Variants in BRINP2 observed in about 807,000 individuals in gnomAD.
BRINP2 encodes the protein BMP/retinoic acid-inducible neural-specific protein 2.
In BRINP2, 21 loss-of-function variants were observed where a neutral mutation model predicts 69.2. That is an observed-to-expected ratio of 0.30 (90% CI 0.22 to 0.44). BRINP2 has a LOEUF of 0.44. Among genes scored for constraint, BRINP2 ranks in the 20% least tolerant of loss-of-function variants. The probability of loss-of-function intolerance (pLI) is 1.00; values close to 1 mark genes in which losing one functional copy is unlikely to be tolerated. For synonymous variants in BRINP2, 380 were observed against 394.1 expected, an observed-to-expected ratio of 0.96 and a Z score of 0.42; for missense variants, 877 against 986.0, an observed-to-expected ratio of 0.89 and a Z score of 1.48.
At chr1:177,271,973 C>A (rs908825928) in intron 4 of BRINP2, among the ~76,000 whole-genome samples, 3 of 152,152 alleles carry the variant, frequency 2.0e-5, no homozygotes, top group South Asian at 2.1e-4. Flanking sequence ...ATTTTTTAAA[C>A]CTAGGTCTAC....
intron 1 of BRINP2, among the ~76,000 whole-genome samples, chr1:177,177,606 A>G (rs1474302366): frequency 6.6e-6 from 1 of 151,976 alleles, no homozygotes; most frequent in Admixed American, 6.5e-5. Context: ...TGTATTTTCT[A>G]ATCCTTCTCT....
At chr1:177,183,737 CCAT>C (rs1398062311) in intron 1 of BRINP2, among the ~76,000 whole-genome samples, 2 of 152,126 alleles carry the variant, frequency 1.3e-5, no homozygotes, top group African/African-American at 4.8e-5. Flanking sequence ...ACGTGGTGAA[CCAT>C]CATATTAAAC....
intron 2 of BRINP2, among the ~76,000 whole-genome samples, chr1:177,231,381 T>G (rs1416368623): frequency 6.6e-6 from 1 of 152,214 alleles, no homozygotes; most frequent in Non-Finnish European, 1.5e-5. Context: ...GAGTTCTTTT[T>G]TAACATCTGC....
At chr1:177,180,587 T>C (rs918603453) in intron 1 of BRINP2, among the ~76,000 whole-genome samples, 1 of 152,148 alleles carries the variant, frequency 6.6e-6, no homozygotes, top group Non-Finnish European at 1.5e-5. Flanking sequence ...AGTGGAAGAC[T>C]TTCATCAATA....
At chr1:177,186,540 A>C (rs1035265278) in intron 1 of BRINP2, among the ~76,000 whole-genome samples, 1 of 152,016 alleles carries the variant, frequency 6.6e-6, no homozygotes, top group Non-Finnish European at 1.5e-5. Flanking sequence ...TGAGGGTGAG[A>C]TCGCTCCTTG....
At chr1:177,214,796 T>C (rs1407377297) in intron 1 of BRINP2, among the ~76,000 whole-genome samples, 1 of 152,226 alleles carries the variant, frequency 6.6e-6, no homozygotes, top group East Asian at 1.9e-4. Flanking sequence ...AAAATATAGC[T>C]GTATATATTT....
At chr1:177,260,783 G>T (rs1650921430) in intron 4 of BRINP2, among the ~76,000 whole-genome samples, 1 of 152,128 alleles carries the variant, frequency 6.6e-6, no homozygotes, top group African/African-American at 2.4e-5. Flanking sequence ...TAATGCTATT[G>T]AACACTTAAT....
chr1:177,189,595 G>T (rs1648529492), intron 1 of BRINP2, among the ~76,000 whole-genome samples: 1 of 152,156 alleles, frequency 6.6e-6, no homozygotes, highest in Non-Finnish European at 1.5e-5. Flanking sequence ...GACTTACCCT[G>T]TCTGGAGGTA....
At chr1:177,271,140 AT>A (rs1651313432) in intron 4 of BRINP2, among the ~76,000 whole-genome samples, 1 of 152,246 alleles carries the variant, frequency 6.6e-6, no homozygotes, top group Non-Finnish European at 1.5e-5. Flanking sequence ...CTCCTTGAAT[AT>A]TTGTTAAATG....
At chr1:177,190,495 C>T (rs1361058502) in intron 1 of BRINP2, among the ~76,000 whole-genome samples, 1 of 152,180 alleles carries the variant, frequency 6.6e-6, no homozygotes, top group African/African-American at 2.4e-5. Context: ...TCCTTCTTCC[C>T]TTCTCCAAAA....
intron 1 of BRINP2, among the ~76,000 whole-genome samples, chr1:177,177,463 A>T (rs1648121096): frequency 6.6e-6 from 1 of 152,178 alleles, no homozygotes; most frequent in Non-Finnish European, 1.5e-5. Context: ...ACTTGAACTC[A>T]TATTTGCTTA....
chr1:177,185,496 A>G (rs1283749775), intron 1 of BRINP2, among the ~76,000 whole-genome samples: 1 of 152,252 alleles, frequency 6.6e-6, no homozygotes, highest in Non-Finnish European at 1.5e-5. Context: ...AACAAAGTGC[A>G]TGCGGAGTTA....
chr1:177,266,146 A>G (rs1405458726), intron 4 of BRINP2, among the ~76,000 whole-genome samples: 1 of 151,586 alleles, frequency 6.6e-6, no homozygotes, highest in African/African-American at 2.4e-5. Flanking sequence ...TAATAATAAT[A>G]TTAACCATAG....
chr1:177,197,383 A>G (rs959455703), intron 1 of BRINP2, among the ~76,000 whole-genome samples: 1 of 152,166 alleles, frequency 6.6e-6, no homozygotes, highest in African/African-American at 2.4e-5. Flanking sequence ...GTATGATCCA[A>G]TCACCTCCCA....
At chr1:177,193,500 C>G (rs1161006043) in intron 1 of BRINP2, among the ~76,000 whole-genome samples, 1 of 152,206 alleles carries the variant, frequency 6.6e-6, no homozygotes, top group Non-Finnish European at 1.5e-5. Context: ...GAATGCCCAA[C>G]AGGCACCTGT....
intron 1 of BRINP2, among the ~76,000 whole-genome samples, chr1:177,192,168 G>A (rs972160778): frequency 6.6e-6 from 1 of 152,204 alleles, no homozygotes; most frequent in Non-Finnish European, 1.5e-5. Flanking sequence ...GGGGTCTCCT[G>A]TAAACCTAAT....
intron 1 of BRINP2, among the ~76,000 whole-genome samples, chr1:177,215,246 TA>T (rs1256979587): frequency 6.6e-5 from 10 of 152,228 alleles, no homozygotes; most frequent in Non-Finnish European, 2.9e-5. Context: ...CTTCCCTTTT[TA>T]AGGCTCAATC....
At chr1:177,208,796 C>T (rs1649134846) in intron 1 of BRINP2, among the ~76,000 whole-genome samples, 1 of 152,184 alleles carries the variant, frequency 6.6e-6, no homozygotes, top group African/African-American at 2.4e-5. Flanking sequence ...TTTGAAGGCA[C>T]AAATAACACA....
At chr1:177,232,254 G>A (rs562367147) in intron 2 of BRINP2, among the ~76,000 whole-genome samples, 121 of 152,310 alleles carry the variant, frequency 7.9e-4, no homozygotes, top group African/African-American at 2.7e-3. Context: ...CTTCCGGACA[G>A]CCTGGTAGCC....
Sources: allele counts gnomAD v4.1 joint callset (sites outside exome capture counted in the v4.1 genomes callset), GRCh38; gene constraint gnomAD v4.1.1; transcripts MANE v1.5; gene names NCBI Gene and HGNC (gene_info 2026-07-23, HGNC 2026-07-21).